Variants in NR0B1 observed in about 807,000 individuals in gnomAD.
The protein encoded by NR0B1 is DSS-AHC critical region on the X chromosome protein 1.
Under a neutral mutation model 23.0 loss-of-function variants are expected in NR0B1, and 3 were observed. The ratio of observed to expected loss-of-function variants is 0.13; its 90% CI spans 0.06 to 0.34. NR0B1 has a LOEUF of 0.34. Among genes scored for constraint, NR0B1 ranks in the 10% least tolerant of loss-of-function variants. The pLI, the probability that NR0B1 is intolerant of heterozygous loss-of-function variation, is 1.00. For missense variants in NR0B1, 350 were observed against 402.9 expected (o/e 0.87, Z 1.12); for synonymous variants, 205 against 184.0 (o/e 1.11, Z -0.92).
chrX:30,305,064 A>G (rs1926496171), intron 1 of NR0B1, among the ~76,000 whole-genome samples: 1 of 112,786 alleles, frequency 8.9e-6, no homozygotes, highest in African/African-American at 3.2e-5. Context: ...TACACTGGCC[A>G]TGAGCCAACA....
At chrX:30,307,882 G>C (rs1950843067) in intron 1 of NR0B1, among the ~76,000 whole-genome samples, 1 of 112,194 alleles carries the variant, frequency 8.9e-6, no homozygotes, top group African/African-American at 3.2e-5. Flanking sequence ...TTAAAAGAAA[G>C]CTAAAGAAGA....
In NR0B1 at chrX:30,308,714, G is replaced by C. The variant is rs1013186320; in HGVS notation, c.650C>G (p.Pro217Arg). The change falls in exon 1 of 2, where the codon CCC (proline) becomes CGC (arginine). Residue 217 changes from proline to arginine, a missense_variant. This residue lies in a region of NR0B1 where 298 missense variants were observed against 314.0 expected (regional missense o/e 0.95). Coordinates refer to ENST00000378970, the MANE Select transcript of NR0B1 (RefSeq NM_000475.5). The stretch of plus-strand genomic sequence containing the variant: ...CGCCTGCGCTTGATTTGTGCTCGTG[G>C]GCACGCAGTAGAGGGTGCTGCCCTG... ...PQQGSTLYCV[P>R]TSTNQAQAAP... The C allele has an allele frequency of 8.3e-7, 1 of 1,198,574 alleles. No individual in the cohort carries two copies. Among genetic ancestry groups the C allele is most frequent in the African/African-American group, 1.7e-5 (1 of 57,330 alleles).
intron 1 of NR0B1, chrX:30,305,770 C>A (rs1926506643): frequency 2.2e-6 from 1 of 461,899 alleles, no homozygotes; most frequent in South Asian, 3.8e-5. Context: ...TTGCAAAGTT[C>A]TTTAACTTGT....
rs1291031008 is a variant in NR0B1 at position 30,309,390 on chromosome X, T to C, written c.-27A>G. On this transcript the variant is annotated 5_prime_UTR_variant, in exon 1 of 2. Transcript: ENST00000378970. The stretch of plus-strand genomic sequence containing the variant: ...GCCCGCGGCGCCCGTAGCCCAGTTC[T>C]GCCCAGTGGCTGCCTCCTGGGACCT... 4.2e-6 allele frequency: 5 copies of C among 1,181,233 alleles called. No homozygotes were observed. Among genetic ancestry groups the C allele is most frequent in the African/African-American group, 1.7e-5 (1 of 57,411 alleles).
In NR0B1 at chrX:30,308,532, G is replaced by A. The variant is rs1601792388; in HGVS notation, c.832C>T (p.Leu278=). 3 of 1,202,992 alleles carry A rather than the reference G, an allele frequency of 2.5e-6. No individual in the cohort carries two copies. The East Asian group carries it at 9.0e-5, about 36-fold the overall frequency. The change falls in exon 1 of 2, where the codon CTG becomes TTG. Residue 278 remains leucine, a synonymous_variant. Transcript: ENST00000378970. Reference sequence around the variant, plus strand: ...AGCACCAGCTGCTGGTCCAGGGGCAGCACCTGGAAGCAGGGCAAGTACTTG... The same window carrying A: ...AGCACCAGCTGCTGGTCCAGGGGCAACACCTGGAAGCAGGGCAAGTACTTG... ...FVKYLPCFQV[L]PLDQQLVLVR...
rs1332523485 is a variant in NR0B1 at position 30,304,803 on chromosome X, C to T, written c.1189G>A (p.Val397Met). 16 of 1,209,259 alleles carry T rather than the reference C, an allele frequency of 1.3e-5. No individual in the cohort carries two copies. In the African/African-American group the frequency reaches 1.4e-4, roughly 11 times the overall value. The change falls in exon 2 of 2, where the codon GTG becomes ATG. Residue 397 changes from valine to methionine, a missense_variant. Around this residue, in one of 2 missense-constraint regions of NR0B1, gnomAD observed 52 missense variants for 88.9 expected, o/e 0.58. Coordinates refer to ENST00000378970, the MANE Select transcript of NR0B1 (RefSeq NM_000475.5). ...CACTGGAGTCCCTGAATGTACTTCA[C>T]GCACTGCAGGCCCGGCACGTCTGGA... is the stretch of plus-strand genomic sequence containing the variant. ...FNPDVPGLQC[V>M]KYIQGLQWGT...
chrX:30,308,405 ATCT>A lies in NR0B1; in HGVS notation c.956_958del (p.Lys319del). ...GGTCTCCCGCCGCCTGGTGGTGAGG[ATCT>A]TCTGCAGCATGCTGGGCTCCGAGAC... On this transcript the variant is annotated inframe_deletion, in exon 1 of 2. Coordinates refer to ENST00000378970, the MANE Select transcript of NR0B1 (RefSeq NM_000475.5). 8.3e-7 allele frequency: 1 copy of A among 1,205,510 alleles called. No individual in the cohort carries two copies. Among genetic ancestry groups the A allele is most frequent in the Non-Finnish European group, 1.1e-6 (1 of 892,245 alleles).
chrX:30,305,698 A>C (rs1926505523), intron 1 of NR0B1: 1 of 384,288 alleles, frequency 2.6e-6, no homozygotes, highest in African/African-American at 2.7e-5. Context: ...AGTTTTTATA[A>C]GGAAAGTAAT....
At position 30,309,262 on chromosome X, in the gene NR0B1, C is replaced by G. The variant is rs767871101; in HGVS notation, c.102G>C (p.Leu34=). The G allele has an allele frequency of 8.6e-7, 1 of 1,166,556 alleles. No homozygotes were observed. The highest frequency in any genetic ancestry group is 1.2e-6 in the Non-Finnish European group (1 of 862,980). ...ACGAACAGCCCCAGCACTGATCCAC[C>G]AGCCGCGTCTCTGGAGCCTCAGGAG... ...RAAPEAPETR[L]VDQCWGCSCG... Residue 34 remains leucine (L), a synonymous_variant, in exon 1 of 2, where the codon CTG becomes CTC. Transcript: ENST00000378970.
Position 30,309,084 on chromosome X carries a change from G to A in NR0B1, c.280C>T (p.Pro94Ser), listed in dbSNP as rs763596761. Residue 94 changes from proline (P) to serine (S), a missense_variant, in exon 1 of 2, where the codon CCG becomes TCG. Pro to Ser is a moderately conservative substitution (Grantham distance 74). This residue lies in a region of NR0B1 where 298 missense variants were observed against 314.0 expected (regional missense o/e 0.95). Transcript: ENST00000378970. The stretch of plus-strand genomic sequence containing the variant: ...CCCAGCGTCGCCTCGGGCGCCTTCG[G>A]TGCCGCGTACGTTTGCTTTGCGCTC... The part of the protein sequence containing the change: ...LTSAKQTYAA[P>S]KAPEATLGPC... 2 of 1,200,667 alleles carry A rather than the reference G, an allele frequency of 1.7e-6. No homozygotes were observed. The highest frequency in any genetic ancestry group is 1.8e-5 in the African/African-American group (1 of 54,681).
In NR0B1 at chrX:30,309,010, C is replaced by A. The variant is rs764365162; in HGVS notation, c.354G>T (p.Ala118=). ...SCGSDPGVGR[A]GLPGGRPVAL... is the part of the protein sequence containing the mutation. ...CCACGGGCCGCCCACCCGGAAGCCCCGCTCTGCCCACCCCGGGATCAGAGC... is the reference window on the plus strand; with the variant it reads ...CCACGGGCCGCCCACCCGGAAGCCCAGCTCTGCCCACCCCGGGATCAGAGC... The change falls in exon 1 of 2, where the codon GCG becomes GCT. Residue 118 remains alanine (A), a synonymous_variant. Coordinates refer to ENST00000378970, the MANE Select transcript of NR0B1 (RefSeq NM_000475.5). 7.4e-6 allele frequency: 9 copies of A among 1,209,483 alleles called. No individual in the cohort carries two copies. Among genetic ancestry groups the A allele is most frequent in the Non-Finnish European group, 1.0e-5 (9 of 895,084 alleles).
At chrX:30,305,379 A>G (rs2147004713) in intron 1 of NR0B1, among the ~76,000 whole-genome samples, 1 of 112,310 alleles carries the variant, frequency 8.9e-6, no homozygotes, top group African/African-American at 3.2e-5. Flanking sequence ...AGGCCCGAAT[A>G]ATTTGAAAGC....
Position 30,308,525 on chromosome X carries a change from A to G in NR0B1, c.839T>C (p.Leu280Pro). 1 of 1,204,916 alleles carries G rather than the reference A, an allele frequency of 8.3e-7. No homozygotes were observed. The change falls in exon 1 of 2, where the codon CTG becomes CCG. Residue 280 changes from leucine (L) to proline (P), a missense_variant. By Grantham distance (98) the Leu-to-Pro change is moderately conservative. Coordinates refer to ENST00000378970, the MANE Select transcript of NR0B1 (RefSeq NM_000475.5). ...KYLPCFQVLP[L>P]DQQLVLVRNC... The stretch of plus-strand genomic sequence containing the variant: ...GCGCACCAGCACCAGCTGCTGGTCC[A>G]GGGGCAGCACCTGGAAGCAGGGCAA...
intron 1 of NR0B1, among the ~76,000 whole-genome samples, chrX:30,307,037 AATT>A (rs1926532993): frequency 9.0e-6 from 1 of 111,592 alleles, no homozygotes; most frequent in Non-Finnish European, 1.9e-5. Flanking sequence ...GGTTTGAACA[AATT>A]ATTATCCCAC....
At position 30,304,348 on chromosome X, in the gene NR0B1, A is replaced by T; in HGVS notation, c.*231T>A. 1 of 348,074 alleles carries T rather than the reference A, an allele frequency of 2.9e-6. No homozygotes were observed. Among genetic ancestry groups the T allele is most frequent in the South Asian group, 4.5e-5 (1 of 22,366 alleles). 28.7% of individuals were successfully genotyped at this position (348,074 alleles called of 1,213,427 possible). On this transcript the variant is annotated 3_prime_UTR_variant, in exon 2 of 2. Transcript: ENST00000378970. ...CTAGTACCCTGCTATTTTTTTTTTAAAAGATGTACAGAGCTATGCTACCTG... is the reference window on the plus strand; with the variant it reads ...CTAGTACCCTGCTATTTTTTTTTTATAAGATGTACAGAGCTATGCTACCTG...
Position 30,308,872 on chromosome X carries a change from C to A in NR0B1, c.492G>T (p.Glu164Asp). Residue 164 changes from glutamate (E) to aspartate (D), a missense_variant, in exon 1 of 2, where the codon GAG (glutamate) becomes GAT (aspartate). Glu to Asp is a conservative substitution (Grantham distance 45, BLOSUM62 2). Coordinates refer to ENST00000378970, the MANE Select transcript of NR0B1 (RefSeq NM_000475.5). ...KQTHVAPAAP[E>D]ARPGGAWWDR... is the part of the protein sequence containing the mutation. ...CCCACCACGCGCCCCCTGGCCGTGCCTCGGGCGCTGCCGGAGCCACGTGCG... is the reference window on the plus strand; with the variant it reads ...CCCACCACGCGCCCCCTGGCCGTGCATCGGGCGCTGCCGGAGCCACGTGCG... The A allele has an allele frequency of 8.5e-7, 1 of 1,175,117 alleles. No individual in the cohort carries two copies. The highest frequency in any genetic ancestry group is 1.1e-6 in the Non-Finnish European group (1 of 876,663).
In NR0B1 at chrX:30,309,305, G is replaced by C. The variant is rs745852247; in HGVS notation, c.59C>G (p.Ala20Gly). 1 of 1,206,029 alleles carries C rather than the reference G, an allele frequency of 8.3e-7. No individual in the cohort carries two copies. The highest frequency in any genetic ancestry group is 1.7e-5 in the African/African-American group (1 of 57,935). ...GSILYNMLMS[A>G]KQTRAAPEAP... is the part of the protein sequence containing the mutation. ...CTCAGGAGCCGCGCGCGTTTGCTTC[G>C]CGCTCATAAGCATGTTGTAGAGGAT... The change falls in exon 1 of 2, where the codon GCG becomes GGG. Residue 20 changes from alanine (A) to glycine (G), a missense_variant. This residue lies in a region of NR0B1 where 298 missense variants were observed against 314.0 expected (regional missense o/e 0.95). Transcript: ENST00000378970.
chrX:30,304,514 C>T lies in NR0B1; in HGVS notation c.*65G>A. The T allele has an allele frequency of 1.8e-6, 2 of 1,138,774 alleles. No individual in the cohort carries two copies. The highest frequency in any genetic ancestry group is 1.2e-6 in the Non-Finnish European group (1 of 831,543). The allele number at this position is 1,138,774 out of a possible 1,213,427, so 93.8% of individuals were successfully genotyped here. ...TTTTAAAATATTTTACACTCTTTTG[C>T]CCACAGCTCTTTATTCTTCCCTCAT... On this transcript the variant is annotated 3_prime_UTR_variant, in exon 2 of 2. Coordinates refer to ENST00000378970, the MANE Select transcript of NR0B1 (RefSeq NM_000475.5).
At position 30,309,374 on chromosome X, in the gene NR0B1, G is replaced by T. The variant is rs1426786556; in HGVS notation, c.-11C>A. On this transcript the variant is annotated 5_prime_UTR_variant, in exon 1 of 2. Coordinates refer to ENST00000378970, the MANE Select transcript of NR0B1 (RefSeq NM_000475.5). ...GTTCTCGCCCGCCATGGCCCGCGGC[G>T]CCCGTAGCCCAGTTCTGCCCAGTGG... 8.4e-7 allele frequency: 1 copy of T among 1,191,830 alleles called. No homozygotes were observed. Among genetic ancestry groups the T allele is most frequent in the Admixed American group, 2.2e-5 (1 of 44,968 alleles).
Sources: allele counts gnomAD v4.1 joint callset (sites outside exome capture counted in the v4.1 genomes callset), GRCh38; gene constraint gnomAD v4.1.1; regional missense constraint gnomAD v4.1.1; transcripts MANE v1.5; gene names NCBI Gene and HGNC (gene_info 2026-07-23, HGNC 2026-07-21).